The following CNTNAP2 variants were observed in gnomAD, a reference collection of about 807,000 sequenced individuals.
The protein encoded by CNTNAP2 is contactin associated protein 2.
A neutral mutation model predicts 155.2 loss-of-function variants in CNTNAP2; 98 were observed. That is an observed-to-expected ratio of 0.63 (90% CI 0.54 to 0.75). The LOEUF (loss-of-function observed/expected upper bound fraction) is 0.75. Ranked by LOEUF, CNTNAP2 falls within the 30% of genes least tolerant of loss-of-function variation. CNTNAP2 has a pLI of 0.00. For missense variants in CNTNAP2, 1,727 were observed against 1,688.1 expected, an observed-to-expected ratio of 1.02 and a Z score of -0.40; for synonymous variants, 651 against 631.2, an observed-to-expected ratio of 1.03 and a Z score of -0.47.
intron 15 of CNTNAP2, among the ~76,000 whole-genome samples, chr7:147,997,510 CA>C (rs1396625167): frequency 3.0e-4 from 45 of 150,188 alleles, no homozygotes; most frequent in South Asian, 6.3e-4. Flanking sequence ...GAGCCGAGAT[CA>C]CGCCATTGCA....
At chr7:147,727,025 GTA>G (rs148335807) in intron 13 of CNTNAP2, among the ~76,000 whole-genome samples, 31 of 149,894 alleles carry the variant, frequency 2.1e-4, no homozygotes, top group African/African-American at 4.6e-4. Flanking sequence ...GTATATGTGT[GTA>G]TATATATATA....
intron 13 of CNTNAP2, among the ~76,000 whole-genome samples, chr7:147,793,017 T>A (rs1251115522): frequency 1.3e-5 from 2 of 152,154 alleles, no homozygotes; most frequent in African/African-American, 4.8e-5. Context: ...CTTATTTTGA[T>A]TTTTTGCCCA....
chr7:148,278,333 G>A lies in CNTNAP2; in HGVS notation c.3475+11207G>A, dbSNP rs527389981. 9.5e-4 allele frequency among the ~76,000 whole-genome samples: 145 copies of A among 152,138 alleles called. 2 individuals are homozygous for A. Among genetic ancestry groups the A allele is most frequent in the Middle Eastern group, 3.4e-3 (1 of 294 alleles). On this transcript the variant is annotated intron_variant, in intron 21 of 23. Transcript: ENST00000361727. ...TGTAATCCCAGCACTTTGGAAAGCC[G>A]AGGCAGGCAGATCACGAGGTCAGGA...
chr7:147,802,024 T>C (rs1335961938), intron 13 of CNTNAP2, among the ~76,000 whole-genome samples: 2 of 140,320 alleles, frequency 1.4e-5, no homozygotes, highest in Admixed American at 7.0e-5. Context: ...CCGGACAGGG[T>C]GGCTGCCGGG....
intron 1 of CNTNAP2, among the ~76,000 whole-genome samples, chr7:146,713,880 C>T (rs781734376): frequency 6.6e-6 from 1 of 152,074 alleles, no homozygotes; most frequent in Non-Finnish European, 1.5e-5. Flanking sequence ...TTCCTATCCA[C>T]AGAGCTAATA....
chr7:147,964,786 C>G (rs546856114), intron 14 of CNTNAP2, among the ~76,000 whole-genome samples: 1 of 152,180 alleles, frequency 6.6e-6, no homozygotes, highest in East Asian at 1.9e-4. Flanking sequence ...AAATGGTTCA[C>G]CCTCTAAATT....
chr7:146,354,626 G>C (rs969232106), intron 1 of CNTNAP2, among the ~76,000 whole-genome samples: 3 of 151,898 alleles, frequency 2.0e-5, no homozygotes, highest in Non-Finnish European at 4.4e-5. Flanking sequence ...TGTTGGCCAG[G>C]CTGATGTCAA....
intron 15 of CNTNAP2, among the ~76,000 whole-genome samples, chr7:148,022,717 T>C (rs36060964): frequency 1.6e-5 from 2 of 127,544 alleles, no homozygotes; most frequent in African/African-American, 3.0e-5. Context: ...TTGGTTGGTT[T>C]TTTTTTGGAC....
chr7:148,366,717 G>A (rs1462789590), intron 21 of CNTNAP2, among the ~76,000 whole-genome samples: 1 of 152,194 alleles, frequency 6.6e-6, no homozygotes, highest in Non-Finnish European at 1.5e-5. Context: ...AGGAGTAAGA[G>A]GCCATCATGC....
chr7:146,547,858 A>G (rs1206684240), intron 1 of CNTNAP2, among the ~76,000 whole-genome samples: 1 of 119,520 alleles, frequency 8.4e-6, no homozygotes, highest in Non-Finnish European at 1.8e-5. Context: ...TTTTTTTTTT[A>G]AAGGAACCTT....
chr7:148,135,973 G>GAGGAAGGA lies in CNTNAP2; in HGVS notation c.2555-11478_2555-11471dup, dbSNP rs1186076177. ...AAACAAACCACATTGGGAAGAGAGG[G>GAGGAAGGA]AGGAAGGAAGGAAGGAAGGAAGGAA... On this transcript the variant is annotated intron_variant, in intron 16 of 23. Coordinates refer to ENST00000361727, the MANE Select transcript of CNTNAP2 (RefSeq NM_014141.6). 1.4e-3 allele frequency among the ~76,000 whole-genome samples: 56 copies of GAGGAAGGA among 40,174 alleles called. 2 individuals are homozygous for GAGGAAGGA. Among genetic ancestry groups the GAGGAAGGA allele is most frequent in the African/African-American group, 4.9e-3 (34 of 6,902 alleles). The allele number at this position is 40,174 out of a possible 152,430, so 26.4% of individuals were successfully genotyped here. A position where few individuals can be genotyped will look rare whatever the true frequency, so the allele number is the denominator to read the frequency against.
intron 3 of CNTNAP2, among the ~76,000 whole-genome samples, chr7:146,980,981 A>G (rs557075563): frequency 1.3e-5 from 2 of 152,264 alleles, no homozygotes; most frequent in East Asian, 3.9e-4. Flanking sequence ...GAAATTATAC[A>G]CATCACTTCT....
At chr7:146,815,763 C>CT (rs145221552) in intron 2 of CNTNAP2, among the ~76,000 whole-genome samples, 42,632 of 151,298 alleles carry the variant, frequency 0.28, 6,132 homozygotes, top group Middle Eastern at 0.4. Flanking sequence ...ATATAGAGCA[C>CT]TTTTTTTTTA....
At chr7:146,954,598 A>T (rs1797394293) in intron 3 of CNTNAP2, among the ~76,000 whole-genome samples, 1 of 150,954 alleles carries the variant, frequency 6.6e-6, no homozygotes, top group Admixed American at 6.6e-5. Context: ...ACTTTTAAAT[A>T]TTTTTTTTCC....
chr7:148,247,625 CTATTTATTTATT>C (rs71527888), intron 20 of CNTNAP2, among the ~76,000 whole-genome samples: 4 of 105,320 alleles, frequency 3.8e-5, no homozygotes, highest in Admixed American at 1.0e-4. Context: ...CTCTCTCTCT[CTATTTATTTATT>C]TATTTATTTA....
chr7:146,292,831 G>A (rs1016285854), intron 1 of CNTNAP2, among the ~76,000 whole-genome samples: 2 of 152,150 alleles, frequency 1.3e-5, no homozygotes, highest in Non-Finnish European at 2.9e-5. Flanking sequence ...CAGTCAAATT[G>A]AAAGAAGCAG....
chr7:146,721,700 C>T (rs1801325543), intron 1 of CNTNAP2, among the ~76,000 whole-genome samples: 2 of 107,684 alleles, frequency 1.9e-5, no homozygotes, highest in Admixed American at 1.9e-4. Context: ...TATATATATT[C>T]TATATACATT....
intron 13 of CNTNAP2, among the ~76,000 whole-genome samples, chr7:147,716,168 T>C (rs576305654): frequency 6.6e-6 from 1 of 152,292 alleles, no homozygotes; most frequent in Admixed American, 6.5e-5. Context: ...CTGTCCTTTT[T>C]ACAAAGTTTG....
intron 1 of CNTNAP2, among the ~76,000 whole-genome samples, chr7:146,455,620 T>G (rs1796544425): frequency 6.6e-6 from 1 of 152,176 alleles, no homozygotes; most frequent in African/African-American, 2.4e-5. Flanking sequence ...AATTTAAAAT[T>G]CATAGGGTCT....
Sources: gnomAD v4.1 joint callset for allele counts (sites outside exome capture counted in the v4.1 genomes callset) on GRCh38, gnomAD v4.1.1 for gene constraint, MANE v1.5 for transcripts, NCBI Gene and HGNC (gene_info 2026-07-23, HGNC 2026-07-21) for gene names.